The following NUP210L variants were observed in gnomAD, a reference collection of about 807,000 sequenced individuals.
NUP210L encodes the protein nuclear pore membrane glycoprotein 210-like.
Under a neutral mutation model 208.5 loss-of-function variants are expected in NUP210L, and 74 were observed. The ratio of observed to expected loss-of-function variants is 0.35; its 90% CI spans 0.29 to 0.43. The LOEUF (loss-of-function observed/expected upper bound fraction) is 0.43, where lower values mean the gene tolerates loss of function less well. Among genes scored for constraint, NUP210L ranks in the 20% least tolerant of loss-of-function variants. The pLI is 1.00. For synonymous variants in NUP210L, 780 were observed against 816.9 expected (o/e 0.95, Z 0.77); for missense variants, 1,843 against 2,289.4 (o/e 0.81, Z 3.98).
chr1:154,082,209 A>G (rs1655373473), intron 16 of NUP210L, among the ~76,000 whole-genome samples: 1 of 152,202 alleles, frequency 6.6e-6, no homozygotes, highest in African/African-American at 2.4e-5. Context: ...CTTGTTGGTC[A>G]TAAGAGTGGG....
chr1:154,126,239 G>T, intron 10 of NUP210L, 84 bp downstream of exon 10: 2 of 1,148,146 alleles, frequency 1.7e-6, no homozygotes, highest in Non-Finnish European at 2.5e-6. Flanking sequence ...GGTGGTATAT[G>T]CTATATATCT....
intron 27 of NUP210L, among the ~76,000 whole-genome samples, chr1:154,043,332 G>C (rs1287353155): frequency 7.9e-6 from 1 of 127,308 alleles, no homozygotes; most frequent in African/African-American, 3.0e-5. Flanking sequence ...TTTTTTTTTT[G>C]AGATGGAGTT....
intron 17 of NUP210L, among the ~76,000 whole-genome samples, chr1:154,063,837 G>C (rs1654261096): frequency 6.6e-6 from 1 of 151,826 alleles, no homozygotes; most frequent in Non-Finnish European, 1.5e-5. Context: ...TTGTGAAGAA[G>C]AATCATCTTC....
At chr1:154,054,391 C>T in exon 25 of NUP210L, 2 of 1,614,032 alleles carry the variant, frequency 1.2e-6, no homozygotes, top group Non-Finnish European at 1.7e-6. Context: ...GGGCTGGGGG[C>T]CACCTTCAGA....
intron 20 of NUP210L, among the ~76,000 whole-genome samples, chr1:154,058,924 C>T (rs1361435932): frequency 1.3e-5 from 2 of 152,222 alleles, no homozygotes; most frequent in Non-Finnish European, 2.9e-5. Context: ...CGCAGTGGCT[C>T]ACGCCTATAA....
Position 154,008,913 on chromosome 1 carries a change from C to CT in NUP210L, c.4930+1058_4930+1059insA, listed in dbSNP as rs1557910469. On this transcript the variant is annotated intron_variant, in intron 35 of 39. Coordinates refer to ENST00000368559, the Ensembl canonical transcript of NUP210L. The stretch of plus-strand genomic sequence containing the variant: ...GAAGCACTACCTTATTTATACCTTA[C>CT]ATTTTTTTTTTTTTGAGATGAAGTC... 1.3e-4 allele frequency among the ~76,000 whole-genome samples: 19 copies of CT among 146,154 alleles called. No homozygotes were observed. The East Asian group carries it at 4.3e-3, about 33-fold the overall frequency.
chr1:154,140,057 T>C (rs1658761362), intron 4 of NUP210L, 105 bp from the exon 5 acceptor site: 6 of 914,980 alleles, frequency 6.6e-6, no homozygotes, highest in African/African-American at 1.7e-5. Flanking sequence ...CTATAGAATG[T>C]AAAACACTTT....
At chr1:154,039,174 C>A (rs1652721359) in intron 27 of NUP210L, among the ~76,000 whole-genome samples, 1 of 151,420 alleles carries the variant, frequency 6.6e-6, no homozygotes, top group Non-Finnish European at 1.5e-5. Flanking sequence ...TTCCCACTAG[C>A]ATTTCTTGTA....
chr1:154,035,806 T>C (rs184242961), intron 27 of NUP210L, among the ~76,000 whole-genome samples: 39 of 152,194 alleles, frequency 2.6e-4, no homozygotes, highest in African/African-American at 9.4e-4. Flanking sequence ...TGATCTCGGC[T>C]CATTGCAACC....
exon 10 of NUP210L, chr1:154,126,395 A>G (rs200813081): frequency 7.4e-6 from 12 of 1,613,182 alleles, no homozygotes; most frequent in Non-Finnish European, 1.0e-5. Context: ...CTATATGGTA[A>G]GATCCATTCA....
At chr1:154,113,959 A>G (rs1657182347) in intron 12 of NUP210L, among the ~76,000 whole-genome samples, 1 of 150,762 alleles carries the variant, frequency 6.6e-6, no homozygotes. Flanking sequence ...CCTGGCTAAC[A>G]TGGTGAAACC....
intron 3 of NUP210L, among the ~76,000 whole-genome samples, chr1:154,143,201 CAAAA>C (rs34172314): frequency 8.1e-6 from 1 of 123,484 alleles, no homozygotes. Context: ...TCCCCCTGCC[CAAAA>C]AAAAAAAAAA....
rs185071255 is a variant in NUP210L, at chr1:154,004,955, G to A, written c.4931-2970C>T. ...TGCAACCTCCACCTCCTGGGTTCAA[G>A]CAGTTCTCCTGCCTCAGCCTCCTGA... On this transcript the variant is annotated intron_variant, in intron 35 of 39. Coordinates refer to ENST00000368559, the Ensembl canonical transcript of NUP210L. Among the ~76,000 whole-genome samples the A allele has an allele frequency of 2.8e-5, 4 of 143,924 alleles. No homozygotes were observed. The Admixed American group carries it at 3.0e-4, about 11-fold the overall frequency. The allele number at this position is 143,924 out of a possible 152,430, so 94.4% of individuals were successfully genotyped here.
At chr1:154,061,505 T>C (rs1356026482) in intron 18 of NUP210L, 81 bp downstream of exon 18, 7 of 854,824 alleles carry the variant, frequency 8.2e-6, no homozygotes, top group South Asian at 4.8e-5. Context: ...CTCAGCTTTA[T>C]GTAAGTTGTA....
Position 153,995,248 on chromosome 1 carries a change from A to T in NUP210L, c.5387-68T>A, listed in dbSNP as rs1011383022. ...ACCATGGGCAGATGCTGCATTTTTTAAATTTAATTTTTTTTGAGACAGAGT... is the reference window on the plus strand; with the variant it reads ...ACCATGGGCAGATGCTGCATTTTTTTAATTTAATTTTTTTTGAGACAGAGT... On this transcript the variant is annotated intron_variant, in intron 37 of 39. Transcript: ENST00000368559. The T allele has an allele frequency of 4.4e-5, 52 of 1,188,586 alleles. No individual in the cohort carries two copies. The East Asian group carries it at 1.2e-3, about 28-fold the overall frequency. 73.6% of individuals were successfully genotyped at this position (1,188,586 alleles called of 1,614,324 possible). A position where few individuals can be genotyped will look rare whatever the true frequency, so the allele number is the denominator to read the frequency against.
In NUP210L at chr1:154,032,007, G is replaced by A. The variant is rs188467476; in HGVS notation, c.3697-1953C>T. ...GGCCTTCCAAAGTGCTGGGATTACA[G>A]GTGTGAGTTACGGCGCCCAGCCATC... On this transcript the variant is annotated intron_variant, in intron 27 of 39. Transcript: ENST00000368559. Among the ~76,000 whole-genome samples the A allele has an allele frequency of 1.1e-4, 16 of 152,268 alleles. No homozygotes were observed. In the East Asian group the frequency reaches 3.1e-3, roughly 29 times the overall value.
chr1:154,035,030 C>T (rs900330005), intron 27 of NUP210L, among the ~76,000 whole-genome samples: 4 of 151,652 alleles, frequency 2.6e-5, no homozygotes, highest in Non-Finnish European at 4.4e-5. Flanking sequence ...TTAGTAGAGA[C>T]GGGGTTTCAC....
chr1:154,000,843 C>A lies in NUP210L; in HGVS notation c.5386+13G>T. The A allele has an allele frequency of 6.2e-7, 1 of 1,605,296 alleles. No individual in the cohort carries two copies. Among genetic ancestry groups the A allele is most frequent in the South Asian group, 1.1e-5 (1 of 90,888 alleles). On this transcript the variant is annotated intron_variant, in intron 37 of 39. Coordinates refer to ENST00000368559, the Ensembl canonical transcript of NUP210L. ...TCCTCTCTAGATTATAAATAGGAAT[C>A]TCTGATGCTTACCTGCACCCAACTT...
At chr1:154,005,248 T>G (rs899627108) in intron 35 of NUP210L, among the ~76,000 whole-genome samples, 1 of 151,372 alleles carries the variant, frequency 6.6e-6, no homozygotes, top group Non-Finnish European at 1.5e-5. Context: ...TGAGATGGAG[T>G]CTTGTCTGTC....
Sources: allele counts gnomAD v4.1 joint callset (sites outside exome capture counted in the v4.1 genomes callset), GRCh38; gene constraint gnomAD v4.1.1; transcripts MANE v1.5; gene names NCBI Gene and HGNC (gene_info 2026-07-23, HGNC 2026-07-21).